Variants in NFASC observed in about 807,000 individuals in gnomAD.
NFASC encodes neurofascin.
NFASC carries 43 observed loss-of-function variants against 147.5 expected under a neutral mutation model. The observed-to-expected ratio is 0.29, with a 90% CI of 0.23 to 0.38. The LOEUF (loss-of-function observed/expected upper bound fraction) is 0.38, where lower values mean the gene tolerates loss of function less well. NFASC is among the 10% of genes least tolerant of loss of function. The pLI is 1.00. For synonymous variants in NFASC, 622 were observed against 665.5 expected, an observed-to-expected ratio of 0.93 and a Z score of 1.01; for missense variants, 1,320 against 1,689.0, an observed-to-expected ratio of 0.78 and a Z score of 3.83.
At chr1:204,882,260 A>T (rs1031216922) in intron 1 of NFASC, among the ~76,000 whole-genome samples, 2 of 151,930 alleles carry the variant, frequency 1.3e-5, no homozygotes, top group Admixed American at 1.3e-4. Flanking sequence ...GCTTCCCCTA[A>T]AGTCAGGCTC....
In NFASC at chr1:204,933,083, C is replaced by G. The variant is rs529749506; in HGVS notation, c.-90-11143C>G. On this transcript the variant is annotated intron_variant, in intron 2 of 29. Transcript: ENST00000339876. The stretch of plus-strand genomic sequence containing the variant: ...CTGCAGGAGCCTGATCTCCAAAAAC[C>G]TTGAGTGCTGCACTCAGAAGTATGG... 1.1e-3 allele frequency among the ~76,000 whole-genome samples: 161 copies of G among 152,146 alleles called. 1 individual carries two copies. Among genetic ancestry groups the G allele is most frequent in the Non-Finnish European group, 1.2e-3 (84 of 68,036 alleles).
intron 1 of NFASC, among the ~76,000 whole-genome samples, chr1:204,899,700 A>G (rs2084138888): frequency 6.6e-6 from 1 of 152,254 alleles, no homozygotes; most frequent in Non-Finnish European, 1.5e-5. Context: ...TGTTGGATTC[A>G]TTAGGAGGTG....
intron 27 of NFASC, among the ~76,000 whole-genome samples, chr1:205,005,296 G>C (rs1439851748): frequency 6.6e-6 from 1 of 152,190 alleles, no homozygotes; most frequent in Non-Finnish European, 1.5e-5. Flanking sequence ...TGAGTGACTG[G>C]CCTTTCTTCC....
intron 1 of NFASC, among the ~76,000 whole-genome samples, chr1:204,844,862 C>T (rs1558488247): frequency 6.6e-6 from 1 of 152,094 alleles, no homozygotes; most frequent in Non-Finnish European, 1.5e-5. Context: ...GCTTCTGTGT[C>T]TCTTTGTTGT....
At chr1:204,880,715 C>G (rs2080028188) in intron 1 of NFASC, among the ~76,000 whole-genome samples, 1 of 152,150 alleles carries the variant, frequency 6.6e-6, no homozygotes, top group African/African-American at 2.4e-5. Flanking sequence ...TGAAACCTCT[C>G]AAGTTCCTTC....
chr1:205,014,314 C>T (rs2096306131), intron 29 of NFASC, among the ~76,000 whole-genome samples: 1 of 152,206 alleles, frequency 6.6e-6, no homozygotes, highest in Non-Finnish European at 1.5e-5. Context: ...TCTGCTTTGG[C>T]TCTGGAAGGT....
At position 204,913,196 on chromosome 1, in the gene NFASC, A is replaced by T. The variant is rs1259734314; in HGVS notation, c.-199-7436A>T. 7.9e-5 allele frequency among the ~76,000 whole-genome samples: 12 copies of T among 152,342 alleles called. No homozygotes were observed. The East Asian group carries it at 2.3e-3, about 29-fold the overall frequency. On this transcript the variant is annotated intron_variant, in intron 1 of 29. Coordinates refer to ENST00000339876, the MANE Select transcript of NFASC (RefSeq NM_001005388.3). ...ACAAAATTTTAAAATGAAATTGAAG[A>T]ATTCCAAAGAAAATTTGAACAAATT...
chr1:205,020,795 T>C lies in NFASC; in HGVS notation c.*4256T>C, dbSNP rs2096395540. 1 of 152,182 alleles carries C rather than the reference T, an allele frequency of 6.6e-6. No homozygotes were observed. The highest frequency in any genetic ancestry group is 1.5e-5 in the Non-Finnish European group (1 of 68,046). The allele number at this position is 152,182 out of a possible 1,614,324, so 9.4% of individuals were successfully genotyped here. On this transcript the variant is annotated 3_prime_UTR_variant, in exon 30 of 30. Transcript: ENST00000339876. ...GCTGGGGCTAGTGCCAGAGAATCCCTTCTCAGTGGCCAGCAGGTTCCTGGG... is the reference window on the plus strand; with the variant it reads ...GCTGGGGCTAGTGCCAGAGAATCCCCTCTCAGTGGCCAGCAGGTTCCTGGG...
intron 1 of NFASC, among the ~76,000 whole-genome samples, chr1:204,898,508 T>G (rs2083839025): frequency 6.6e-6 from 1 of 152,084 alleles, no homozygotes; most frequent in Non-Finnish European, 1.5e-5. Context: ...TTTATTTTTC[T>G]TATCATTAAA....
intron 1 of NFASC, among the ~76,000 whole-genome samples, chr1:204,869,868 T>C (rs1483505567): frequency 6.6e-6 from 1 of 152,252 alleles, no homozygotes. Flanking sequence ...AACTTTTTCT[T>C]ATCATTATAA....
chr1:204,894,492 G>A (rs1237503628), intron 1 of NFASC, among the ~76,000 whole-genome samples: 2 of 152,180 alleles, frequency 1.3e-5, no homozygotes, highest in East Asian at 1.9e-4. Flanking sequence ...TACCATTGAG[G>A]CAAATATTAA....
intron 2 of NFASC, among the ~76,000 whole-genome samples, chr1:204,930,648 G>A (rs1415462738): frequency 6.6e-6 from 1 of 152,164 alleles, no homozygotes; most frequent in Non-Finnish European, 1.5e-5. Flanking sequence ...ACAGAGCATG[G>A]GGCATGCTAG....
intron 8 of NFASC, among the ~76,000 whole-genome samples, chr1:204,962,743 G>A (rs542399590): frequency 1.4e-4 from 21 of 152,222 alleles, no homozygotes; most frequent in African/African-American, 3.6e-4. Context: ...GTATAAATGA[G>A]GTGAAACCAT....
intron 1 of NFASC, among the ~76,000 whole-genome samples, chr1:204,869,967 A>G (rs1351962981): frequency 6.6e-6 from 1 of 152,198 alleles, no homozygotes; most frequent in Non-Finnish European, 1.5e-5. Flanking sequence ...AATTTATGCA[A>G]TGAAGGGTAT....
At chr1:204,924,637 C>T (rs534510981) in intron 2 of NFASC, among the ~76,000 whole-genome samples, 1 of 152,286 alleles carries the variant, frequency 6.6e-6, no homozygotes, top group African/African-American at 2.4e-5. Context: ...TTATAGGAGC[C>T]TCCCTTCCTC....
At chr1:204,995,855 C>T (rs765962000) in intron 24 of NFASC, among the ~76,000 whole-genome samples, 4 of 152,004 alleles carry the variant, frequency 2.6e-5, no homozygotes, top group Non-Finnish European at 4.4e-5. Flanking sequence ...GCCCCTTTCT[C>T]GGGGATATTA....
intron 3 of NFASC, chr1:204,945,053 A>G (rs2093621532): frequency 6.6e-6 from 1 of 152,168 alleles, no homozygotes; most frequent in Non-Finnish European, 1.5e-5. Flanking sequence ...TCTGTTTCTC[A>G]TAGAGGGGGC....
chr1:204,867,398 A>G (rs1224732978), intron 1 of NFASC, among the ~76,000 whole-genome samples: 2 of 132,332 alleles, frequency 1.5e-5, no homozygotes, highest in Admixed American at 1.7e-4. Flanking sequence ...TAGTCATACT[A>G]TCAGAACTCA....
At chr1:204,939,037 GA>G (rs1266344762) in intron 2 of NFASC, among the ~76,000 whole-genome samples, 5 of 65,308 alleles carry the variant, frequency 7.7e-5, no homozygotes, top group African/African-American at 2.1e-4. Context: ...TGTATGGATG[GA>G]TGTGTGTGTG....
Sources: allele counts gnomAD v4.1 joint callset (sites outside exome capture counted in the v4.1 genomes callset), GRCh38; gene constraint gnomAD v4.1.1; transcripts MANE v1.5; gene names NCBI Gene and HGNC (gene_info 2026-07-23, HGNC 2026-07-21).